CFAP221: variants seen among roughly 807,000 people sequenced by gnomAD.
The protein encoded by CFAP221 is cilia and flagella associated protein 221, also known as cilia- and flagella-associated protein 221.
A neutral mutation model predicts 113.1 loss-of-function variants in CFAP221; 97 were observed. That is an observed-to-expected ratio of 0.86 (90% CI 0.73 to 1.02). CFAP221 has a LOEUF of 1.02. Ranked by LOEUF, CFAP221 falls within the 50% of genes least tolerant of loss-of-function variation. CFAP221 has a pLI of 0.00. For synonymous variants in CFAP221, 331 were observed against 354.4 expected (o/e 0.93, Z 0.74); for missense variants, 1,025 against 1,013.4 (o/e 1.01, Z -0.16).
At chr2:119,641,989 T>C (rs1274426844) in intron 21 of CFAP221, among the ~76,000 whole-genome samples, 1 of 152,116 alleles carries the variant, frequency 6.6e-6, no homozygotes, top group Non-Finnish European at 1.5e-5. Flanking sequence ...CAAAGCAATG[T>C]CCTTGGAAAA....
intron 7 of CFAP221, among the ~76,000 whole-genome samples, chr2:119,593,916 C>A (rs889195343): frequency 2.0e-5 from 3 of 152,094 alleles, no homozygotes; most frequent in African/African-American, 4.8e-5. Context: ...AGAACTCACT[C>A]ATCAGTAAGA....
downstream of CFAP221, among the ~76,000 whole-genome samples, chr2:119,659,666 T>C (rs532942213): frequency 1.6e-4 from 4 of 24,882 alleles, no homozygotes; most frequent in African/African-American, 3.2e-4. Flanking sequence ...CTCCTCCACA[T>C]TAACCAGTCA....
At chr2:119,614,221 T>A (rs372878771) in intron 13 of CFAP221, among the ~76,000 whole-genome samples, 1 of 152,324 alleles carries the variant, frequency 6.6e-6, no homozygotes, top group East Asian at 1.9e-4. Context: ...ATTCAACAAG[T>A]CTCTAGGAAG....
At position 119,652,022 on chromosome 2, in the gene CFAP221, C is replaced by A; in HGVS notation, c.2367C>A (p.Ile789=). The A allele has an allele frequency of 6.2e-7, 1 of 1,613,418 alleles. No individual in the cohort carries two copies. The highest frequency in any genetic ancestry group is 8.5e-7 in the Non-Finnish European group (1 of 1,179,702). The change falls in exon 23 of 24, where the codon ATC becomes ATA. Residue 789 remains isoleucine, a synonymous_variant. Coordinates refer to ENST00000413369, the MANE Select transcript of CFAP221 (RefSeq NM_001271049.2). The stretch of plus-strand genomic sequence containing the variant: ...AAGTTATGTTGACTCCAGAAATGAT[C>A]AAAGTGGAATTCCCTATGTTGAACT... The part of the protein sequence containing the change: ...NVEVMLTPEM[I]KVEFPMLNYK...
intron 13 of CFAP221, among the ~76,000 whole-genome samples, chr2:119,614,901 G>A (rs1685421235): frequency 6.6e-6 from 1 of 152,148 alleles, no homozygotes. Flanking sequence ...TGGCCACAAA[G>A]TCTTGCCAAT....
chr2:119,630,244 C>A (rs1196558152), intron 17 of CFAP221, among the ~76,000 whole-genome samples: 1 of 152,106 alleles, frequency 6.6e-6, no homozygotes, highest in Non-Finnish European at 1.5e-5. Context: ...ATAAAGTGAG[C>A]AAAAATTAGT....
At chr2:119,573,736 G>A (rs778539607) in intron 6 of CFAP221, among the ~76,000 whole-genome samples, 9 of 152,060 alleles carry the variant, frequency 5.9e-5, no homozygotes, top group Non-Finnish European at 1.0e-4. Context: ...GTTTATTATA[G>A]GAAAAATTCT....
At chr2:119,635,238 CTG>C (rs1687042497) in intron 19 of CFAP221, among the ~76,000 whole-genome samples, 1 of 152,220 alleles carries the variant, frequency 6.6e-6, no homozygotes, top group Non-Finnish European at 1.5e-5. Flanking sequence ...CTTTGGAAAA[CTG>C]TTTGGCAGTT....
intron 3 of CFAP221, 107 bp downstream of exon 3, chr2:119,549,292 C>T: frequency 5.7e-6 from 5 of 879,258 alleles, no homozygotes; most frequent in Non-Finnish European, 6.6e-6. Context: ...AGCCGTAGTG[C>T]AAGAGTAAAT....
intron 22 of CFAP221, among the ~76,000 whole-genome samples, chr2:119,649,539 T>C (rs1175630482): frequency 6.6e-6 from 1 of 152,134 alleles, no homozygotes; most frequent in Non-Finnish European, 1.5e-5. Context: ...GACTCATAGA[T>C]AGGCAGCAAG....
intron 14 of CFAP221, among the ~76,000 whole-genome samples, chr2:119,620,483 G>A (rs1179614622): frequency 6.6e-6 from 1 of 152,112 alleles, no homozygotes; most frequent in Non-Finnish European, 1.5e-5. Flanking sequence ...TTCATATCCA[G>A]CCAAACTAAG....
intron 20 of CFAP221, 30 bp from the exon 21 acceptor site, chr2:119,639,751 T>C (rs1687364327): frequency 6.4e-7 from 1 of 1,568,552 alleles, no homozygotes; most frequent in Non-Finnish European, 8.8e-7. Flanking sequence ...CACCAAACAG[T>C]TGCTTCCCAT....
chr2:119,591,429 AC>A (rs1683586050), intron 7 of CFAP221, among the ~76,000 whole-genome samples: 1 of 152,164 alleles, frequency 6.6e-6, no homozygotes, highest in South Asian at 2.1e-4. Context: ...TGCTCAATAT[AC>A]CCTTGATGGG....
At chr2:119,626,943 A>AG (rs1686350515) in intron 15 of CFAP221, among the ~76,000 whole-genome samples, 1 of 151,520 alleles carries the variant, frequency 6.6e-6, no homozygotes, top group South Asian at 2.1e-4. Context: ...AAAAAAAAAA[A>AG]AGAAAGGAAT....
chr2:119,570,428 C>T (rs1439597185), intron 6 of CFAP221, among the ~76,000 whole-genome samples: 4 of 152,148 alleles, frequency 2.6e-5, no homozygotes, highest in Non-Finnish European at 5.9e-5. Flanking sequence ...TTAAAATGTA[C>T]GATTCACTCT....
intron 12 of CFAP221, among the ~76,000 whole-genome samples, chr2:119,611,041 G>A (rs776923709): frequency 1.8e-4 from 28 of 152,142 alleles, no homozygotes; most frequent in East Asian, 3.9e-4. Flanking sequence ...ACTCACCTCC[G>A]GGGAACCGCA....
At chr2:119,556,687 G>C (rs986565882) in intron 3 of CFAP221, among the ~76,000 whole-genome samples, 1 of 151,616 alleles carries the variant, frequency 6.6e-6, no homozygotes, top group Non-Finnish European at 1.5e-5. Flanking sequence ...CGAGTAGCTG[G>C]GATTACAGGC....
chr2:119,645,544 C>T (rs914891145), intron 21 of CFAP221, among the ~76,000 whole-genome samples: 1 of 151,566 alleles, frequency 6.6e-6, no homozygotes, highest in African/African-American at 2.4e-5. Context: ...CTCACAGATG[C>T]TTTCCTCATT....
At position 119,654,822 on chromosome 2, in the gene CFAP221, G is replaced by A. The variant is rs58449439; in HGVS notation, c.2415-1540G>A. Among the ~76,000 whole-genome samples, 243 of 152,222 alleles carry A rather than the reference G, an allele frequency of 1.6e-3. 1 individual carries two copies. Among genetic ancestry groups the A allele is most frequent in the African/African-American group, 5.3e-3 (221 of 41,546 alleles). On this transcript the variant is annotated intron_variant, in intron 23 of 23. Transcript: ENST00000413369. ...TGTACATTTTTTGTGAACGAAAATT[G>A]TCAACATAATTATCATTTTATTGGC...
Sources: allele counts gnomAD v4.1 joint callset (sites outside exome capture counted in the v4.1 genomes callset), GRCh38; gene constraint gnomAD v4.1.1; transcripts MANE v1.5; gene names NCBI Gene and HGNC (gene_info 2026-07-23, HGNC 2026-07-21).